The following COL5A1 variants were observed in gnomAD, a reference collection of about 807,000 sequenced individuals.
COL5A1 encodes the protein collagen alpha-1(V) chain.
A neutral mutation model predicts 263.7 loss-of-function variants in COL5A1; 16 were observed. That is an observed-to-expected ratio of 0.06 (90% confidence interval 0.04 to 0.09). COL5A1 has a LOEUF of 0.09. COL5A1 is among the 10% of genes least tolerant of loss of function. The pLI is 1.00. For synonymous variants in COL5A1, 1,012 were observed against 1,004.5 expected, an observed-to-expected ratio of 1.01 and a Z score of -0.14; for missense variants, 2,036 against 2,540.5, an observed-to-expected ratio of 0.80 and a Z score of 4.27.
At chr9:134,825,153 G>A (rs1839212696) in intron 62 of COL5A1, among the ~76,000 whole-genome samples, 2 of 152,222 alleles carry the variant, frequency 1.3e-5, no homozygotes, top group South Asian at 4.1e-4. Context: ...TTCCTGACCT[G>A]TCAAATGGGA....
At chr9:134,730,080 G>A (rs1313427898) in intron 6 of COL5A1, among the ~76,000 whole-genome samples, 156 bp from the exon 7 acceptor site, 4 of 152,138 alleles carry the variant, frequency 2.6e-5, no homozygotes, top group East Asian at 1.9e-4. Context: ...GGATGGGGGC[G>A]GCCCCTGCAC....
At chr9:134,786,176 G>A in intron 31 of COL5A1, 128 bp downstream of exon 31, 3 of 896,958 alleles carry the variant, frequency 3.3e-6, no homozygotes, top group African/African-American at 1.7e-5. Flanking sequence ...ATAACTTCTG[G>A]CCATGTTACG....
chr9:134,725,213 G>A (rs1459409329), intron 4 of COL5A1, among the ~76,000 whole-genome samples: 1 of 152,176 alleles, frequency 6.6e-6, no homozygotes, highest in Non-Finnish European at 1.5e-5. Flanking sequence ...CATCTTGCAG[G>A]CTGCCTTGGG....
chr9:134,773,603 G>T (rs1046506098), intron 26 of COL5A1, among the ~76,000 whole-genome samples: 4 of 152,208 alleles, frequency 2.6e-5, no homozygotes, highest in African/African-American at 9.6e-5. Flanking sequence ...CTCTGGAATC[G>T]GGCCTGATTA....
At chr9:134,797,951 C>T (rs753441098) in intron 36 of COL5A1, among the ~76,000 whole-genome samples, 1 of 152,218 alleles carries the variant, frequency 6.6e-6, no homozygotes, top group Non-Finnish European at 1.5e-5. Context: ...TTTTTGGGGA[C>T]ACACGTCGCC....
Position 134,682,153 on chromosome 9 carries a change from G to A in COL5A1, c.110-8759G>A, listed in dbSNP as rs1359805810. 3.3e-5 allele frequency among the ~76,000 whole-genome samples: 5 copies of A among 152,174 alleles called. No homozygotes were observed. Among genetic ancestry groups the A allele is most frequent in the Non-Finnish European group, 7.3e-5 (5 of 68,038 alleles). ...GGCGGTGACCTCTGGAGGACGGGCCGGGGAGCTTTAAGGGCCAGGCAGAAA... is the reference window on the plus strand; with the variant it reads ...GGCGGTGACCTCTGGAGGACGGGCCAGGGAGCTTTAAGGGCCAGGCAGAAA... On this transcript the variant is annotated intron_variant, in intron 1 of 65. Coordinates refer to ENST00000371817, the MANE Select transcript of COL5A1 (RefSeq NM_000093.5). This position sits in a 1 kb window ranked among gnomAD's most constrained non-coding sequence, Gnocchi z 5.1.
rs1470046008 is a variant in COL5A1 at position 134,757,258 on chromosome 9, C to T, written c.1881+440C>T. ...GTGGCATGAATGAGGCTGCACCAGGCATGCACCAGCTGTTGCTGTCGCCAC... is the reference window on the plus strand; with the variant it reads ...GTGGCATGAATGAGGCTGCACCAGGTATGCACCAGCTGTTGCTGTCGCCAC... On this transcript the variant is annotated intron_variant, in intron 17 of 65. Coordinates refer to ENST00000371817, the MANE Select transcript of COL5A1 (RefSeq NM_000093.5). This position sits in a 1 kb window ranked among gnomAD's most constrained non-coding sequence, Gnocchi z 6.2. Among the ~76,000 whole-genome samples, 1 of 152,130 alleles carries T rather than the reference C, an allele frequency of 6.6e-6. No individual in the cohort carries two copies. Among genetic ancestry groups the T allele is most frequent in the African/African-American group, 2.4e-5 (1 of 41,404 alleles).
intron 1 of COL5A1, among the ~76,000 whole-genome samples, chr9:134,668,891 T>TCATCCATCAATC (rs1832436709): frequency 6.7e-6 from 1 of 150,040 alleles, no homozygotes; most frequent in Admixed American, 6.6e-5. Context: ...ATCTACCCAT[T>TCATCCATCAATC]CATCCATCAA....
At chr9:134,693,544 T>C (rs942548567) in intron 2 of COL5A1, among the ~76,000 whole-genome samples, 9 of 152,100 alleles carry the variant, frequency 5.9e-5, no homozygotes, top group African/African-American at 2.2e-4. Flanking sequence ...TTGGGAAGTA[T>C]TGAAGCAGGG....
intron 25 of COL5A1, among the ~76,000 whole-genome samples, chr9:134,770,096 C>T (rs905015173): frequency 4.6e-5 from 7 of 152,300 alleles, no homozygotes; most frequent in South Asian, 2.1e-4. Context: ...GAAGGTGCTT[C>T]GAGCAAAAGG....
rs893872186 is a variant in COL5A1 at position 134,789,230 on chromosome 9, G to A, written c.2700+22G>A. The A allele has an allele frequency of 1.2e-6, 2 of 1,610,534 alleles. No individual in the cohort carries two copies. Among genetic ancestry groups the A allele is most frequent in the Non-Finnish European group, 1.7e-6 (2 of 1,178,276 alleles). On this transcript the variant is annotated intron_variant, in intron 32 of 65. Transcript: ENST00000371817. This position sits in a 1 kb window ranked among gnomAD's most constrained non-coding sequence, Gnocchi z 4.8. ...CAGGGTAAGGATAGCCTGGCCCCTG[G>A]GCAGGCAGCTTGTTCGGCTGCCTCG...
chr9:134,719,837 T>C (rs1368843599), intron 4 of COL5A1, among the ~76,000 whole-genome samples: 1 of 152,214 alleles, frequency 6.6e-6, no homozygotes, highest in African/African-American at 2.4e-5. Flanking sequence ...CCTATTGCCC[T>C]GCTCAGGGAT....
At chr9:134,812,525 G>A in intron 47 of COL5A1, 23 bp downstream of exon 47, 1 of 1,613,940 alleles carries the variant, frequency 6.2e-7, no homozygotes, top group East Asian at 2.2e-5. Context: ...GAGACTCCAA[G>A]GCCTTGCCGT....
chr9:134,740,820 T>G (rs1264450884), intron 11 of COL5A1, among the ~76,000 whole-genome samples: 1 of 152,148 alleles, frequency 6.6e-6, no homozygotes. Flanking sequence ...GGGCCCTGAC[T>G]GGAGAATATC....
chr9:134,756,804 C>A lies in COL5A1; in HGVS notation c.1867C>A (p.Gln623Lys). ...GSDGARGMPGQTGPKGDRGFD... is the reference protein window; with the variant it reads ...GSDGARGMPGKTGPKGDRGFD... Reference sequence around the variant, plus strand: ...TGATGGAGCCAGAGGAATGCCTGGACAAACTGGCCCCAAGGTAGGTCACCC... The same window carrying A: ...TGATGGAGCCAGAGGAATGCCTGGAAAAACTGGCCCCAAGGTAGGTCACCC... The change falls in exon 17 of 66, where the codon CAA becomes AAA. Residue 623 changes from glutamine (Q) to lysine (K), a missense_variant. Gln to Lys is a moderately conservative substitution (Grantham distance 53, BLOSUM62 1). Around this residue, in one of 3 missense-constraint regions of COL5A1, gnomAD observed 1,078 missense variants for 1,521.4 expected, o/e 0.71. Coordinates refer to ENST00000371817, the MANE Select transcript of COL5A1 (RefSeq NM_000093.5). The A allele has an allele frequency of 1.9e-6, 3 of 1,614,030 alleles. No individual in the cohort carries two copies. Among genetic ancestry groups the A allele is most frequent in the Non-Finnish European group, 2.5e-6 (3 of 1,180,010 alleles).
chr9:134,708,500 C>T (rs776004746), intron 4 of COL5A1: 1 of 490,510 alleles, frequency 2.0e-6, no homozygotes, highest in Non-Finnish European at 4.1e-6. Flanking sequence ...CCGCATCTAC[C>T]CAGCCCTGCT....
chr9:134,802,638 C>T (rs1375891974), intron 38 of COL5A1, among the ~76,000 whole-genome samples: 1 of 152,232 alleles, frequency 6.6e-6, no homozygotes, highest in Non-Finnish European at 1.5e-5. Flanking sequence ...GGCCGTGCCT[C>T]CTGAAGGCGC....
intron 4 of COL5A1, among the ~76,000 whole-genome samples, chr9:134,701,536 G>C (rs569112349): frequency 6.6e-6 from 1 of 152,226 alleles, no homozygotes; most frequent in East Asian, 1.9e-4. Flanking sequence ...AGCTGCTGCC[G>C]CCTGTAGGCC....
rs1830140001 is a variant in COL5A1 at position 134,842,597 on chromosome 9, C to T, written c.*294C>T. On this transcript the variant is annotated 3_prime_UTR_variant, in exon 66 of 66. Coordinates refer to ENST00000371817, the MANE Select transcript of COL5A1 (RefSeq NM_000093.5). This position sits in a 1 kb window ranked among gnomAD's most constrained non-coding sequence, Gnocchi z 5.8. ...CGCCCCGGGAGCGGGGCCATGCCTC[C>T]AGCCCCCCAGCTCGCCCGACCCATC... is the stretch of plus-strand genomic sequence containing the variant. 1 of 539,794 alleles carries T rather than the reference C, an allele frequency of 1.9e-6. No homozygotes were observed. The highest frequency in any genetic ancestry group is 2.2e-5 in the South Asian group (1 of 46,314). 33.4% of individuals were successfully genotyped at this position (539,794 alleles called of 1,614,324 possible).
Sources: gnomAD v4.1 joint callset for allele counts (sites outside exome capture counted in the v4.1 genomes callset) on GRCh38, gnomAD v4.1.1 for gene constraint, gnomAD v4.1.1 regional missense constraint, Gnocchi (gnomAD v3.1) non-coding constraint, MANE v1.5 for transcripts, NCBI Gene and HGNC (gene_info 2026-07-23, HGNC 2026-07-21) for gene names.